The following CDC42BPA variants were observed in gnomAD, a reference collection of about 807,000 sequenced individuals.
CDC42BPA encodes CDC42 binding protein kinase alpha, also known as serine/threonine-protein kinase MRCK alpha.
A neutral mutation model predicts 223.5 loss-of-function variants in CDC42BPA; 80 were observed. The observed-to-expected ratio is 0.36, with a 90% confidence interval of 0.30 to 0.43. The LOEUF is 0.43. CDC42BPA is among the 20% of genes least tolerant of loss of function. CDC42BPA has a pLI of 1.00. For missense variants in CDC42BPA, 1,743 were observed against 2,099.9 expected (o/e 0.83, Z 3.32); for synonymous variants, 694 against 718.6 (o/e 0.97, Z 0.55).
At chr1:227,032,510 C>T (rs1047603625) in intron 27 of CDC42BPA, among the ~76,000 whole-genome samples, 1 of 152,032 alleles carries the variant, frequency 6.6e-6, no homozygotes, top group African/African-American at 2.4e-5. Flanking sequence ...CCTCCAAAGA[C>T]GCCTACCAAC....
intron 4 of CDC42BPA, among the ~76,000 whole-genome samples, chr1:227,196,079 T>A (rs1358487419): frequency 6.8e-6 from 1 of 146,516 alleles, no homozygotes; most frequent in Admixed American, 6.7e-5. Flanking sequence ...AAAAAGACCA[T>A]GGCAGCTTTG....
At chr1:227,215,824 G>T (rs1674724500) in intron 2 of CDC42BPA, among the ~76,000 whole-genome samples, 1 of 151,966 alleles carries the variant, frequency 6.6e-6, no homozygotes, top group South Asian at 2.1e-4. Flanking sequence ...TTAGACTTAT[G>T]ACAAATATAT....
At chr1:227,015,996 G>A in intron 34 of CDC42BPA, 84 bp downstream of exon 34, 1 of 727,286 alleles carries the variant, frequency 1.4e-6, no homozygotes, top group South Asian at 1.6e-5. Context: ...CATATCCTTT[G>A]AAGTCTACCC....
At chr1:227,112,102 T>C (rs541870475) in intron 14 of CDC42BPA, 18 of 386,372 alleles carry the variant, frequency 4.7e-5, no homozygotes, top group African/African-American at 3.5e-4. Flanking sequence ...TAGATTCATA[T>C]TTCCCACTAA....
intron 2 of CDC42BPA, among the ~76,000 whole-genome samples, chr1:227,220,454 A>G (rs1253882767): frequency 6.6e-6 from 1 of 151,238 alleles, no homozygotes; most frequent in Non-Finnish European, 1.5e-5. Flanking sequence ...CCATAGCTCA[A>G]TCTCAGCTGA....
At chr1:227,308,524 A>C (rs1692955121) in intron 1 of CDC42BPA, among the ~76,000 whole-genome samples, 1 of 151,514 alleles carries the variant, frequency 6.6e-6, no homozygotes, top group Admixed American at 6.6e-5. Context: ...AAAAAAAAAA[A>C]AAAACAGAAT....
chr1:226,991,360 CATT>C lies in CDC42BPA; in HGVS notation c.*2905_*2907del, dbSNP rs1373998474. On this transcript the variant is annotated 3_prime_UTR_variant, in exon 37 of 37. Coordinates refer to ENST00000366766, the MANE Select transcript of CDC42BPA (RefSeq NM_001394014.1). ...TGTGCTACTGACTCCTCTGAATGGTCATTATGTTTTCTTTGCCTAGAACCCACT... is the reference window on the plus strand; with the variant it reads ...TGTGCTACTGACTCCTCTGAATGGTCATGTTTTCTTTGCCTAGAACCCACT... 6.6e-6 allele frequency: 1 copy of C among 152,178 alleles called. No homozygotes were observed. Among genetic ancestry groups the C allele is most frequent in the Non-Finnish European group, 1.5e-5 (1 of 68,036 alleles). The allele number at this position is 152,178 out of a possible 1,614,324, so 9.4% of individuals were successfully genotyped here. A position where few individuals can be genotyped will look rare whatever the true frequency, so the allele number is the denominator to read the frequency against.
At chr1:227,296,672 C>A (rs1351663194) in intron 1 of CDC42BPA, among the ~76,000 whole-genome samples, 4 of 147,792 alleles carry the variant, frequency 2.7e-5, no homozygotes, top group Non-Finnish European at 5.9e-5. Context: ...TGCCACTGCA[C>A]TCCAGCCTGG....
intron 14 of CDC42BPA, among the ~76,000 whole-genome samples, chr1:227,103,714 G>C (rs1018210132): frequency 6.6e-6 from 1 of 151,944 alleles, no homozygotes; most frequent in Non-Finnish European, 1.5e-5. Context: ...TCAGTCATTG[G>C]GTAAGGCAAT....
At chr1:227,282,995 A>T (rs1411600687) in intron 1 of CDC42BPA, among the ~76,000 whole-genome samples, 1 of 147,224 alleles carries the variant, frequency 6.8e-6, no homozygotes, top group Non-Finnish European at 1.5e-5. Flanking sequence ...AGTAAATTTT[A>T]TGTTATATAT....
intron 9 of CDC42BPA, among the ~76,000 whole-genome samples, chr1:227,142,276 G>C (rs1473337025): frequency 1.3e-5 from 2 of 152,180 alleles, no homozygotes; most frequent in East Asian, 3.8e-4. Context: ...AACAGGGTAA[G>C]GGGGAAATAG....
intron 27 of CDC42BPA, among the ~76,000 whole-genome samples, chr1:227,032,163 A>G (rs554322971): frequency 4.6e-5 from 7 of 152,240 alleles, no homozygotes; most frequent in Admixed American, 2.6e-4. Context: ...GTTTATCATT[A>G]TACAAACAAC....
At chr1:227,025,447 C>A (rs1387097779) in intron 31 of CDC42BPA, among the ~76,000 whole-genome samples, 1 of 152,138 alleles carries the variant, frequency 6.6e-6, no homozygotes, top group Admixed American at 6.5e-5. Context: ...TGTCCCCCAA[C>A]TAATCATACA....
At chr1:227,154,627 T>A (rs530900403) in intron 6 of CDC42BPA, among the ~76,000 whole-genome samples, 5 of 152,102 alleles carry the variant, frequency 3.3e-5, no homozygotes, top group African/African-American at 1.2e-4. Context: ...ACAGGTAACA[T>A]TAAAAAATCC....
At position 227,017,690 on chromosome 1, in the gene CDC42BPA, T is replaced by C. The variant is rs886552124; in HGVS notation, c.4616-640A>G. 2.6e-5 allele frequency among the ~76,000 whole-genome samples: 4 copies of C among 152,182 alleles called. No individual in the cohort carries two copies. The East Asian group carries it at 5.8e-4, about 22-fold the overall frequency. ...TCATATACACCTAGCAACCCAGTGA[T>C]AGTCTTATCCGATGTCAGTTTTAAT... is the stretch of plus-strand genomic sequence containing the variant. On this transcript the variant is annotated intron_variant, in intron 32 of 36. Transcript: ENST00000366766.
chr1:227,177,551 GA>G (rs1392251283), intron 5 of CDC42BPA, among the ~76,000 whole-genome samples: 1 of 151,834 alleles, frequency 6.6e-6, no homozygotes, highest in Non-Finnish European at 1.5e-5. Flanking sequence ...TCTGTACTTT[GA>G]TTTTGATGAG....
intron 10 of CDC42BPA, among the ~76,000 whole-genome samples, chr1:227,137,667 A>G (rs1210710593): frequency 9.3e-6 from 1 of 107,926 alleles, no homozygotes; most frequent in African/African-American, 3.2e-5. Context: ...ATGAAATACT[A>G]AACAGCAGTA....
At chr1:227,046,442 A>G (rs1273774683) in intron 23 of CDC42BPA, among the ~76,000 whole-genome samples, 4 of 152,150 alleles carry the variant, frequency 2.6e-5, no homozygotes, top group Non-Finnish European at 5.9e-5. Context: ...CATTCAGTAC[A>G]TGGACTTTTG....
chr1:227,196,576 T>C (rs1670788517), intron 4 of CDC42BPA, among the ~76,000 whole-genome samples: 2 of 152,020 alleles, frequency 1.3e-5, no homozygotes, highest in South Asian at 4.1e-4. Context: ...CCTGACCTCA[T>C]GATCCGCCCG....
Sources: allele counts gnomAD v4.1 joint callset (sites outside exome capture counted in the v4.1 genomes callset), GRCh38; gene constraint gnomAD v4.1.1; transcripts MANE v1.5; gene names NCBI Gene and HGNC (gene_info 2026-07-23, HGNC 2026-07-21).